Variants in VEGFD observed in about 807,000 individuals in gnomAD.
The protein encoded by VEGFD is vascular endothelial growth factor D.
Under a neutral mutation model 28.0 loss-of-function variants are expected in VEGFD, and 26 were observed. The observed-to-expected ratio is 0.93, with a 90% CI of 0.68 to 1.29. VEGFD has a LOEUF of 1.29. VEGFD is among the 50% of genes most tolerant of loss of function. The pLI is 0.00. For missense variants in VEGFD, 294 were observed against 273.4 expected, an observed-to-expected ratio of 1.08 and a Z score of -0.53; for synonymous variants, 93 against 95.5, an observed-to-expected ratio of 0.97 and a Z score of 0.15.
intron 5 of VEGFD, among the ~76,000 whole-genome samples, chrX:15,350,775 T>TTC (rs1157575740): frequency 6.6e-5 from 6 of 90,765 alleles, no homozygotes; most frequent in African/African-American, 2.6e-4. Context: ...TTTTCTTTCT[T>TTC]TCTTTCTCTC....
At chrX:15,364,638 T>A (rs1421535799) in intron 1 of VEGFD, among the ~76,000 whole-genome samples, 1 of 111,619 alleles carries the variant, frequency 9.0e-6, no homozygotes, top group Non-Finnish European at 1.9e-5. Context: ...TACTAGATGT[T>A]TGTTTTGCTG....
At chrX:15,382,109 A>C (rs916488455) in intron 1 of VEGFD, among the ~76,000 whole-genome samples, 6 of 111,362 alleles carry the variant, frequency 5.4e-5, no homozygotes, top group Non-Finnish European at 1.1e-4. Context: ...TCATCAGGTC[A>C]GGAGATCGAG....
At chrX:15,350,182 C>G (rs1386055276) in intron 5 of VEGFD, among the ~76,000 whole-genome samples, 1 of 111,179 alleles carries the variant, frequency 9.0e-6, no homozygotes. Context: ...GTGAGCCTGT[C>G]CAGCTTCTTC....
intron 1 of VEGFD, among the ~76,000 whole-genome samples, chrX:15,368,050 G>GA (rs1287055777): frequency 4.9e-4 from 29 of 59,457 alleles, no homozygotes; most frequent in South Asian, 3.4e-3. Flanking sequence ...AAGAAAGAAA[G>GA]AAGAAAGAAA....
At position 15,346,253 on chromosome X, in the gene VEGFD, C is replaced by T. The variant is rs771934537; in HGVS notation, c.945G>A (p.Glu315=). 9 of 1,207,661 alleles carry T rather than the reference C, an allele frequency of 7.5e-6. No individual in the cohort carries two copies. Among genetic ancestry groups the T allele is most frequent in the South Asian group, 5.4e-5 (3 of 56,054 alleles). The change falls in exon 7 of 7, where the codon GAG becomes GAA. Residue 315 remains glutamate (E), a synonymous_variant. Transcript: ENST00000297904. ...KLFHPDTCSC[E]DRCPFHTRPC... ...GTCTGGTATGAAAGGGGCATCTGTC[C>T]TCACAGCTGTTGCAAAAGAAAATAA... is the stretch of plus-strand genomic sequence containing the variant.
Position 15,384,116 on chromosome X carries a change from A to G in VEGFD, c.-170T>C, listed in dbSNP as rs909832930. On this transcript the variant is annotated 5_prime_UTR_variant, in exon 1 of 7. Coordinates refer to ENST00000297904, the MANE Select transcript of VEGFD (RefSeq NM_004469.5). ...CCAATGAAATTATTTCAATTAGGCA[A>G]GGTACGCTTTTTTTGCACAATCTTA... is the stretch of plus-strand genomic sequence containing the variant. The G allele has an allele frequency of 1.2e-5, 5 of 406,067 alleles. No homozygotes were observed. In the Admixed American group the frequency reaches 2.2e-4, roughly 18 times the overall value. 33.5% of individuals were successfully genotyped at this position (406,067 alleles called of 1,213,427 possible).
chrX:15,346,612 A>AT (rs780206787), intron 6 of VEGFD, among the ~76,000 whole-genome samples: 1 of 112,353 alleles, frequency 8.9e-6, no homozygotes, highest in Admixed American at 9.4e-5. Context: ...AACTGCTTAA[A>AT]TTTTACCAAT....
At chrX:15,350,763 T>C (rs1922673723) in intron 5 of VEGFD, among the ~76,000 whole-genome samples, 1 of 99,729 alleles carries the variant, frequency 1.0e-5, no homozygotes, top group South Asian at 5.0e-4. Context: ...TCTTTTTCTT[T>C]CTTTTCTTTC....
At chrX:15,375,728 T>C (rs1342298515) in intron 1 of VEGFD, among the ~76,000 whole-genome samples, 1 of 111,930 alleles carries the variant, frequency 8.9e-6, no homozygotes, top group Non-Finnish European at 1.9e-5. Flanking sequence ...TGTGTGCGTG[T>C]GCATTTGTGT....
chrX:15,379,700 G>A (rs1923521460), intron 1 of VEGFD, among the ~76,000 whole-genome samples: 1 of 112,133 alleles, frequency 8.9e-6, no homozygotes, highest in African/African-American at 3.2e-5. Flanking sequence ...CAATTTTACT[G>A]TCATTTGTGT....
At chrX:15,375,204 C>T (rs1240648347) in intron 1 of VEGFD, among the ~76,000 whole-genome samples, 1 of 112,043 alleles carries the variant, frequency 8.9e-6, no homozygotes, top group Non-Finnish European at 1.9e-5. Flanking sequence ...CTTTTTCTCT[C>T]CACCTTGCCT....
chrX:15,362,697 G>A (rs1923045953), intron 2 of VEGFD, among the ~76,000 whole-genome samples: 1 of 111,648 alleles, frequency 9.0e-6, no homozygotes, highest in Admixed American at 9.5e-5. Context: ...GGGATTACAG[G>A]CATGAGCCAC....
intron 1 of VEGFD, among the ~76,000 whole-genome samples, chrX:15,371,790 C>A (rs998866836): frequency 7.1e-5 from 8 of 112,115 alleles, no homozygotes; most frequent in Non-Finnish European, 1.5e-4. Flanking sequence ...CTATCAGTAG[C>A]GCCATTGAAC....
intron 1 of VEGFD, among the ~76,000 whole-genome samples, chrX:15,380,493 G>A (rs1388652365): frequency 8.9e-6 from 1 of 112,499 alleles, no homozygotes; most frequent in Non-Finnish European, 1.9e-5. Context: ...TTAAGAAAGA[G>A]GGTGGATAAA....
At position 15,351,441 on chromosome X, in the gene VEGFD, C is replaced by T. The variant is rs763418576; in HGVS notation, c.742+1627G>A. Among the ~76,000 whole-genome samples the T allele has an allele frequency of 4.1e-3, 459 of 110,648 alleles. 2 individuals carry two copies. Among genetic ancestry groups the T allele is most frequent in the Middle Eastern group, 0.028 (6 of 216 alleles). ...GCCGGCCCGGCTGGTTTTCAAACTC[C>T]CAACCTCAAGTGATCCTCCCATCTC... On this transcript the variant is annotated intron_variant, in intron 5 of 6. Transcript: ENST00000297904.
At chrX:15,354,388 T>C (rs867898306) in intron 4 of VEGFD, among the ~76,000 whole-genome samples, 1 of 109,870 alleles carries the variant, frequency 9.1e-6, no homozygotes, top group South Asian at 3.9e-4. Context: ...AGGCGGGAGG[T>C]GTCTTCTTGG....
intron 2 of VEGFD, among the ~76,000 whole-genome samples, chrX:15,360,493 C>T (rs895185934): frequency 9.1e-6 from 1 of 109,713 alleles, no homozygotes; most frequent in African/African-American, 3.3e-5. Flanking sequence ...TATGCGCCAC[C>T]ATGCCCAGCT....
intron 1 of VEGFD, among the ~76,000 whole-genome samples, chrX:15,363,801 G>T (rs1016362405): frequency 1.8e-5 from 2 of 111,950 alleles, no homozygotes; most frequent in South Asian, 7.4e-4. Context: ...GAAGATGGGG[G>T]CAGAGACCGG....
intron 6 of VEGFD, 143 bp from the exon 7 acceptor site, chrX:15,346,402 C>A: frequency 1.7e-6 from 1 of 597,384 alleles, no homozygotes; most frequent in South Asian, 3.4e-5. Context: ...CACATGGATT[C>A]AAAATCTACT....
Sources: gnomAD v4.1 joint callset for allele counts (sites outside exome capture counted in the v4.1 genomes callset) on GRCh38, gnomAD v4.1.1 for gene constraint, MANE v1.5 for transcripts, NCBI Gene and HGNC (gene_info 2026-07-23, HGNC 2026-07-21) for gene names.